The following NELL2 variants were observed in gnomAD, a reference collection of about 807,000 sequenced individuals.
NELL2 encodes the protein protein kinase C-binding protein NELL2.
NELL2 carries 41 observed loss-of-function variants against 109.6 expected under a neutral mutation model. The ratio of observed to expected loss-of-function variants is 0.37; its 90% CI spans 0.29 to 0.49. NELL2 has a LOEUF of 0.49. Among genes scored for constraint, NELL2 ranks in the 20% least tolerant of loss-of-function variants. The probability of loss-of-function intolerance (pLI) is 0.98; values close to 1 mark genes in which losing one functional copy is unlikely to be tolerated. For synonymous variants in NELL2, 355 were observed against 344.7 expected, an observed-to-expected ratio of 1.03 and a Z score of -0.33; for missense variants, 900 against 1,008.3, an observed-to-expected ratio of 0.89 and a Z score of 1.45.
chr12:44,916,095 G>A (rs1170338656), upstream of NELL2, among the ~76,000 whole-genome samples: 1 of 152,150 alleles, frequency 6.6e-6, no homozygotes. Context: ...TTAAATCAAA[G>A]TTAAAGTATC....
chr12:44,591,847 A>G (rs1400631081), intron 15 of NELL2, among the ~76,000 whole-genome samples: 2 of 152,188 alleles, frequency 1.3e-5, no homozygotes, highest in East Asian at 3.8e-4. Context: ...GACATTGTAT[A>G]CATGTATCGA....
At chr12:44,768,989 C>T (rs1403927847) in intron 9 of NELL2, among the ~76,000 whole-genome samples, 1 of 147,908 alleles carries the variant, frequency 6.8e-6, no homozygotes, top group East Asian at 2.0e-4. Context: ...TTATGTTTTC[C>T]CCCTCTGTTA....
Position 44,681,943 on chromosome 12 carries a change from T to C in NELL2, c.1319-16334A>G, listed in dbSNP as rs1408527733. 3.3e-5 allele frequency among the ~76,000 whole-genome samples: 5 copies of C among 151,802 alleles called. No individual in the cohort carries two copies. In the South Asian group the frequency reaches 8.3e-4, roughly 25 times the overall value. On this transcript the variant is annotated intron_variant, in intron 12 of 19. Transcript: ENST00000429094. ...TTTGGGTATATACCCAGTAATGGGA[T>C]GGCTGGGTCAAATGCTATTTCTAGT...
chr12:44,566,610 T>C (rs1051377862), intron 15 of NELL2, among the ~76,000 whole-genome samples: 1 of 151,822 alleles, frequency 6.6e-6, no homozygotes, highest in Admixed American at 6.6e-5. Flanking sequence ...ATTTGACCTA[T>C]ATTTACAGCT....
chr12:44,850,433 C>T (rs946579186), intron 2 of NELL2, among the ~76,000 whole-genome samples: 2 of 151,794 alleles, frequency 1.3e-5, no homozygotes, highest in African/African-American at 2.4e-5. Flanking sequence ...TCAGGAGAGC[C>T]ATTTAAAAAA....
intron 15 of NELL2, among the ~76,000 whole-genome samples, chr12:44,548,707 A>G (rs934832596): frequency 6.6e-6 from 1 of 152,212 alleles, no homozygotes; most frequent in Non-Finnish European, 1.5e-5. Context: ...TTCAGAATAA[A>G]TAACAATTAC....
At chr12:44,546,989 T>C (rs1368346376) in intron 15 of NELL2, among the ~76,000 whole-genome samples, 3 of 152,218 alleles carry the variant, frequency 2.0e-5, no homozygotes, top group Admixed American at 2.0e-4. Context: ...ACAATCATTG[T>C]TTCTACACAT....
At chr12:44,860,101 T>C (rs1944794756) in intron 2 of NELL2, among the ~76,000 whole-genome samples, 1 of 152,246 alleles carries the variant, frequency 6.6e-6, no homozygotes. Context: ...GATTTTACTC[T>C]ATTTGTTCTC....
intron 13 of NELL2, among the ~76,000 whole-genome samples, chr12:44,650,465 T>A (rs1326756733): frequency 1.3e-5 from 2 of 151,950 alleles, no homozygotes; most frequent in African/African-American, 4.8e-5. Context: ...CTGGCTAATT[T>A]TTGTATTTTT....
intron 9 of NELL2, among the ~76,000 whole-genome samples, chr12:44,752,325 G>A (rs1940688583): frequency 1.3e-5 from 2 of 152,280 alleles, no homozygotes; most frequent in South Asian, 2.1e-4. Flanking sequence ...TAAAATAACT[G>A]TGCAGTATTT....
intron 3 of NELL2, among the ~76,000 whole-genome samples, chr12:44,785,022 T>C (rs1942111269): frequency 6.6e-6 from 1 of 152,184 alleles, no homozygotes; most frequent in Non-Finnish European, 1.5e-5. Context: ...GTATTGGAAG[T>C]TCTGGCCAAG....
At chr12:44,605,980 T>A (rs1431496262) in intron 15 of NELL2, among the ~76,000 whole-genome samples, 2 of 152,146 alleles carry the variant, frequency 1.3e-5, no homozygotes, top group Non-Finnish European at 1.5e-5. Context: ...GTTATCAATC[T>A]CTATAGGTGA....
chr12:44,578,611 A>AT (rs1266619310), intron 15 of NELL2, among the ~76,000 whole-genome samples: 2 of 142,376 alleles, frequency 1.4e-5, no homozygotes, highest in Non-Finnish European at 3.0e-5. Context: ...CCTCAAATCT[A>AT]TACCTTGCAA....
intron 3 of NELL2, among the ~76,000 whole-genome samples, chr12:44,804,345 T>A (rs1056183090): frequency 6.6e-6 from 1 of 151,882 alleles, no homozygotes; most frequent in Admixed American, 6.6e-5. Context: ...TATCAATACA[T>A]CTTTCAACCA....
chr12:44,760,915 T>A (rs1272115523), intron 9 of NELL2, among the ~76,000 whole-genome samples: 2 of 152,130 alleles, frequency 1.3e-5, no homozygotes. Flanking sequence ...TTTACATATT[T>A]TTCATTGAAA....
chr12:44,736,682 T>C (rs992997582), intron 9 of NELL2, among the ~76,000 whole-genome samples: 4 of 152,178 alleles, frequency 2.6e-5, no homozygotes, highest in Admixed American at 2.0e-4. Context: ...TCAATTCAAC[T>C]AGTTGTAACT....
intron 3 of NELL2, among the ~76,000 whole-genome samples, chr12:44,811,244 A>C (rs1484431211): frequency 1.3e-5 from 2 of 150,686 alleles, no homozygotes; most frequent in African/African-American, 4.9e-5. Context: ...TAAAACCTAG[A>C]TGACAGGTTA....
chr12:44,910,705 C>A (rs538846261), intron 1 of NELL2, among the ~76,000 whole-genome samples: 86 of 152,026 alleles, frequency 5.7e-4, no homozygotes, highest in African/African-American at 2.0e-3. Context: ...ATGGAATCAA[C>A]CTAGGTGCCC....
rs1942280203 is a variant in NELL2, at chr12:44,788,923, G to T, written c.336-8901C>A. Among the ~76,000 whole-genome samples, 6 of 152,068 alleles carry T rather than the reference G, an allele frequency of 3.9e-5. No individual in the cohort carries two copies. The South Asian group carries it at 8.3e-4, about 21-fold the overall frequency. ...CTTCCCTAACAACCTTCATGACTCA[G>T]CAGAGGCAGCCATAATCCTCCTAGG... is the stretch of plus-strand genomic sequence containing the variant. On this transcript the variant is annotated intron_variant, in intron 3 of 19. Transcript: ENST00000429094.
Sources: allele counts gnomAD v4.1 joint callset (sites outside exome capture counted in the v4.1 genomes callset), GRCh38; gene constraint gnomAD v4.1.1; transcripts MANE v1.5; gene names NCBI Gene and HGNC (gene_info 2026-07-23, HGNC 2026-07-21).